The following NUDT16 variants were observed in gnomAD, a reference collection of about 807,000 sequenced individuals.
The protein encoded by NUDT16 is U8 snoRNA-decapping enzyme.
A neutral mutation model predicts 11.7 loss-of-function variants in NUDT16; 12 were observed. The ratio of observed to expected loss-of-function variants is 1.03; its 90% CI spans 0.66 to 1.67. The LOEUF (loss-of-function observed/expected upper bound fraction) is 1.67. NUDT16 is among the 40% of genes most tolerant of loss of function. The pLI, the probability that NUDT16 is intolerant of heterozygous loss-of-function variation, is 0.00. For missense variants in NUDT16, 303 were observed against 268.9 expected (o/e 1.13, Z -0.89); for synonymous variants, 129 against 122.6 (o/e 1.05, Z -0.35).
In NUDT16 at chr3:131,381,916, C is replaced by G; in HGVS notation, c.112C>G (p.Arg38Gly). 1 of 1,611,838 alleles carries G rather than the reference C, an allele frequency of 6.2e-7. No individual in the cohort carries two copies. The part of the protein sequence containing the change: ...YAPDPGMLFG[R>G]IPLRYAILMQ... ...GCCGGACCCTGGGATGCTCTTCGGC[C>G]GCATCCCGCTGCGCTACGCCATACT... The change falls in exon 1 of 3, where the codon CGC becomes GGC. Residue 38 changes from arginine to glycine, a missense_variant. Transcript: ENST00000521288.
At position 131,384,742 on chromosome 3, in the gene NUDT16, T is replaced by C. The variant is rs183335122; in HGVS notation, c.*1401T>C. The C allele has an allele frequency of 3.3e-5, 5 of 152,348 alleles. No homozygotes were observed. In the East Asian group the frequency reaches 9.6e-4, roughly 29 times the overall value. The allele number at this position is 152,348 out of a possible 1,614,324, so 9.4% of individuals were successfully genotyped here. A position where few individuals can be genotyped will look rare whatever the true frequency, so the allele number is the denominator to read the frequency against. On this transcript the variant is annotated 3_prime_UTR_variant, in exon 3 of 3. Transcript: ENST00000521288. Reference sequence around the variant, plus strand: ...ATGATGAAGGAGTTTGAATCTCTTCTTTGTGAAATGAAGTGAGACTATCAG... The same window carrying C: ...ATGATGAAGGAGTTTGAATCTCTTCCTTGTGAAATGAAGTGAGACTATCAG...
At position 131,381,960 on chromosome 3, in the gene NUDT16, C is replaced by T; in HGVS notation, c.138+18C>T. The stretch of plus-strand genomic sequence containing the variant: ...CCATACTGGTGAGAAGGGGGCGCGC[C>T]CGGCCACTTTCTGCCTGAGCCCCGC... On this transcript the variant is annotated intron_variant, in intron 1 of 2. Transcript: ENST00000521288. 1 of 1,604,928 alleles carries T rather than the reference C, an allele frequency of 6.2e-7. No homozygotes were observed. Among genetic ancestry groups the T allele is most frequent in the Non-Finnish European group, 8.5e-7 (1 of 1,174,488 alleles).
At chr3:131,382,639 G>C in intron 2 of NUDT16, 2 of 1,461,292 alleles carry the variant, frequency 1.4e-6, no homozygotes, top group Non-Finnish European at 1.8e-6. Flanking sequence ...TTATTCTTGG[G>C]GTTTGCTTTT....
rs1582668841 is a variant in NUDT16 at position 131,385,291 on chromosome 3, G to A, written c.*1950G>A. ...ATCTCAGGTAAAGGCAAAATAGAGG[G>A]TATGACCTGGGGTTGCTGGCCAGAG... On this transcript the variant is annotated 3_prime_UTR_variant, in exon 3 of 3. Coordinates refer to ENST00000521288, the MANE Select transcript of NUDT16 (RefSeq NM_152395.3). 3 of 152,436 alleles carry A rather than the reference G, an allele frequency of 2.0e-5. No individual in the cohort carries two copies. In the South Asian group the frequency reaches 6.2e-4, roughly 32 times the overall value. The allele number at this position is 152,436 out of a possible 1,614,324, so 9.4% of individuals were successfully genotyped here.
rs1194293325 is a variant in NUDT16, at chr3:131,381,832, G to A, written c.28G>A (p.Gly10Ser). ...GGCCGGAGCCCGCAGGCTGGAGCTA[G>A]GCGAGGCCCTGGCGCTGGGGTCGGG... is the stretch of plus-strand genomic sequence containing the variant. MAGARRLELGEALALGSGWR... is the reference protein window; with the variant it reads MAGARRLELSEALALGSGWR... Residue 10 changes from glycine (G) to serine (S), a missense_variant, in exon 1 of 3, where the codon GGC (glycine) becomes AGC (serine). Transcript: ENST00000521288. 1 of 1,583,402 alleles carries A rather than the reference G, an allele frequency of 6.3e-7. No individual in the cohort carries two copies. Among genetic ancestry groups the A allele is most frequent in the Admixed American group, 1.8e-5 (1 of 56,600 alleles).
intron 1 of NUDT16, 22 bp downstream of exon 1, chr3:131,381,964 CCACTTT>C: frequency 6.2e-7 from 1 of 1,602,170 alleles, no homozygotes; most frequent in Non-Finnish European, 8.5e-7. Context: ...GCGCGCCCGG[CCACTTT>C]CTGCCTGAGC....
chr3:131,383,227 C>T lies in NUDT16; in HGVS notation c.474C>T (p.Phe158=), dbSNP rs1420706657. 3 of 1,614,122 alleles carry T rather than the reference C, an allele frequency of 1.9e-6. No homozygotes were observed. Among genetic ancestry groups the T allele is most frequent in the Non-Finnish European group, 2.5e-6 (3 of 1,180,038 alleles). The part of the protein sequence containing the change: ...LRDGVGGLPT[F]LENSFIGSAR... ...ATGGTGTAGGAGGCCTGCCTACCTT[C>T]CTGGAGAATTCCTTTATTGGCTCTG... Residue 158 remains phenylalanine (F), a synonymous_variant, in exon 3 of 3, where the codon TTC becomes TTT. Transcript: ENST00000521288. The surrounding 1 kb of genome is among the most constrained non-coding windows in gnomAD (Gnocchi z 4.4).
In NUDT16 at chr3:131,382,302, A is replaced by T; in HGVS notation, c.395A>T (p.Asp132Val). 6.2e-7 allele frequency: 1 copy of T among 1,612,960 alleles called. No individual in the cohort carries two copies. Among genetic ancestry groups the T allele is most frequent in the Non-Finnish European group, 8.5e-7 (1 of 1,179,998 alleles). ...AVEAGATRAKDHGLEVLGLVR... is the reference protein window; with the variant it reads ...AVEAGATRAKVHGLEVLGLVR... ...GAGGCCGGCGCAACACGCGCCAAGGACCACGGGCTGGAGGTGGGACCAGCC... is the reference window on the plus strand; with the variant it reads ...GAGGCCGGCGCAACACGCGCCAAGGTCCACGGGCTGGAGGTGGGACCAGCC... The change falls in exon 2 of 3, where the codon GAC becomes GTC. Residue 132 changes from aspartate (D) to valine (V), a missense_variant. Transcript: ENST00000521288.
Position 131,383,490 on chromosome 3 carries a change from G to T in NUDT16, c.*149G>T. 1 of 1,507,120 alleles carries T rather than the reference G, an allele frequency of 6.6e-7. No individual in the cohort carries two copies. The highest frequency in any genetic ancestry group is 1.2e-5 in the South Asian group (1 of 80,578). 93.4% of individuals were successfully genotyped at this position (1,507,120 alleles called of 1,614,324 possible). A position where few individuals can be genotyped will look rare whatever the true frequency, so the allele number is the denominator to read the frequency against. On this transcript the variant is annotated 3_prime_UTR_variant, in exon 3 of 3. Transcript: ENST00000521288. This position sits in a 1 kb window ranked among gnomAD's most constrained non-coding sequence, Gnocchi z 4.4. ...AGGAGAAGTGTGTACCATATGTTTT[G>T]AGCAGAGGACCCTCCAACTTATGGC...
rs1044302751 is a variant in NUDT16, at chr3:131,386,432, A to G, written c.*3091A>G. 3.9e-5 allele frequency: 6 copies of G among 152,290 alleles called. No individual in the cohort carries two copies. The highest frequency in any genetic ancestry group is 1.4e-4 in the African/African-American group (6 of 41,454). The allele number at this position is 152,290 out of a possible 1,614,324, so 9.4% of individuals were successfully genotyped here. A position where few individuals can be genotyped will look rare whatever the true frequency, so the allele number is the denominator to read the frequency against. On this transcript the variant is annotated 3_prime_UTR_variant, in exon 3 of 3. Transcript: ENST00000521288. ...CTCATTGCAATCTTTGACCCCCACT[A>G]ACTGCTGTGGTGACTTTGACCCAAG...
Position 131,381,852 on chromosome 3 carries a change from G to A in NUDT16, c.48G>A (p.Gly16=). 1 of 1,599,596 alleles carries A rather than the reference G, an allele frequency of 6.3e-7. No homozygotes were observed. Among genetic ancestry groups the A allele is most frequent in the Non-Finnish European group, 8.5e-7 (1 of 1,177,532 alleles). ...RLELGEALAL[G]SGWRHACHAL... ...AGCTAGGCGAGGCCCTGGCGCTGGG[G>A]TCGGGCTGGCGTCATGCGTGCCACG... The change falls in exon 1 of 3, where the codon GGG becomes GGA. Residue 16 remains glycine, a synonymous_variant. Transcript: ENST00000521288.
rs747285916 is a variant in NUDT16 at position 131,382,042 on chromosome 3, G to A, written c.139-4G>A. The A allele has an allele frequency of 1.9e-6, 3 of 1,577,500 alleles. No homozygotes were observed. The highest frequency in any genetic ancestry group is 3.6e-5 in the Admixed American group (2 of 55,554). On this transcript the variant is annotated splice_region_variant and splice_polypyrimidine_tract_variant and intron_variant, in intron 1 of 2. Coordinates refer to ENST00000521288, the MANE Select transcript of NUDT16 (RefSeq NM_152395.3). ...CTGCCAATCCCCGCTTCCCCCTCCC[G>A]CAGATGCAGATGCGCTTCGATGGAC...
Position 131,382,060 on chromosome 3 carries a change from C to A in NUDT16, c.153C>A (p.Phe51Leu), listed in dbSNP as rs746029308. 5.7e-6 allele frequency: 9 copies of A among 1,583,518 alleles called. No individual in the cohort carries two copies. Among genetic ancestry groups the A allele is most frequent in the Non-Finnish European group, 7.7e-6 (9 of 1,163,040 alleles). ...CCCTCCCGCAGATGCAGATGCGCTT[C>A]GATGGACGCCTGGGCTTCCCCGGCG... ...LRYAILMQMRFDGRLGFPGGF... is the reference protein window; with the variant it reads ...LRYAILMQMRLDGRLGFPGGF... Residue 51 changes from phenylalanine to leucine, a missense_variant, in exon 2 of 3, where the codon TTC becomes TTA. Transcript: ENST00000521288.
intron 2 of NUDT16, chr3:131,382,697 AGATT>A (rs1390363838): frequency 5.6e-6 from 8 of 1,428,768 alleles, no homozygotes; most frequent in Middle Eastern, 2.2e-4. Flanking sequence ...GCTAGTAGAT[AGATT>A]ATGTATGAAG....
In NUDT16 at chr3:131,387,938, C is replaced by A. The variant is rs1194174175; in HGVS notation, c.*4597C>A. On this transcript the variant is annotated 3_prime_UTR_variant, in exon 3 of 3. Transcript: ENST00000521288. ...TGTTAAATAGAAGAGGATGTGAGCA[C>A]CAGATGCACGTGATAAAGACCATGC... The A allele has an allele frequency of 6.6e-6, 1 of 152,066 alleles. No homozygotes were observed. The highest frequency in any genetic ancestry group is 6.6e-5 in the Admixed American group (1 of 15,266). 9.4% of individuals were successfully genotyped at this position (152,066 alleles called of 1,614,324 possible).
chr3:131,381,742 C>T, upstream of NUDT16: 1 of 1,508,756 alleles, frequency 6.6e-7, no homozygotes, highest in Admixed American at 2.0e-5. Flanking sequence ...CGGATTGGTC[C>T]GAGGTGAGAC....
At chr3:131,382,339 C>T in intron 2 of NUDT16, 24 bp downstream of exon 2, 1 of 1,612,270 alleles carries the variant, frequency 6.2e-7, no homozygotes, top group Non-Finnish European at 8.5e-7. Context: ...GGGACTCTGT[C>T]CCTTTCCCAA....
Position 131,381,837 on chromosome 3 carries a change from G to T in NUDT16, c.33G>T (p.Glu11Asp). The change falls in exon 1 of 3, where the codon GAG becomes GAT. Residue 11 changes from glutamate (E) to aspartate (D), a missense_variant. By Grantham distance (45) the Glu-to-Asp change is conservative. Transcript: ENST00000521288. MAGARRLELG[E>D]ALALGSGWRH... ...GAGCCCGCAGGCTGGAGCTAGGCGAGGCCCTGGCGCTGGGGTCGGGCTGGC... is the reference window on the plus strand; with the variant it reads ...GAGCCCGCAGGCTGGAGCTAGGCGATGCCCTGGCGCTGGGGTCGGGCTGGC... The T allele has an allele frequency of 6.3e-7, 1 of 1,588,828 alleles. No homozygotes were observed.
Position 131,385,694 on chromosome 3 carries a change from C to A in NUDT16, c.*2353C>A, listed in dbSNP as rs1409294218. On this transcript the variant is annotated 3_prime_UTR_variant, in exon 3 of 3. Coordinates refer to ENST00000521288, the MANE Select transcript of NUDT16 (RefSeq NM_152395.3). Reference sequence around the variant, plus strand: ...TAGAGGTTAATTATCATCTCCTAATCTTACCCTGACCCTTTTGTCAAACGT... The same window carrying A: ...TAGAGGTTAATTATCATCTCCTAATATTACCCTGACCCTTTTGTCAAACGT... 2.0e-5 allele frequency: 3 copies of A among 152,250 alleles called. No homozygotes were observed. Among genetic ancestry groups the A allele is most frequent in the Non-Finnish European group, 2.9e-5 (2 of 68,076 alleles). 9.4% of individuals were successfully genotyped at this position (152,250 alleles called of 1,614,324 possible). A position where few individuals can be genotyped will look rare whatever the true frequency, so the allele number is the denominator to read the frequency against.
Sources: allele counts gnomAD v4.1 joint callset, GRCh38; gene constraint gnomAD v4.1.1; non-coding constraint Gnocchi (gnomAD v3.1); transcripts MANE v1.5; gene names NCBI Gene and HGNC (gene_info 2026-07-23, HGNC 2026-07-21).